The following ZNF804A variants were observed in gnomAD, a reference collection of about 807,000 sequenced individuals.
ZNF804A encodes zinc finger protein 804A.
In ZNF804A, 2 loss-of-function variants were observed where a neutral mutation model predicts 16.5. The observed-to-expected ratio is 0.12, with a 90% CI of 0.05 to 0.38. The LOEUF is 0.38. Ranked by LOEUF, ZNF804A falls within the 10% of genes least tolerant of loss-of-function variation. The pLI is 0.99. For missense variants in ZNF804A, 1,473 were observed against 1,390.7 expected, an observed-to-expected ratio of 1.06 and a Z score of -0.94; for synonymous variants, 534 against 489.6, an observed-to-expected ratio of 1.09 and a Z score of -1.20.
At chr2:184,921,371 A>C (rs945925171) in intron 2 of ZNF804A, among the ~76,000 whole-genome samples, 1 of 152,164 alleles carries the variant, frequency 6.6e-6, no homozygotes, top group Non-Finnish European at 1.5e-5. Flanking sequence ...TCACAAAAAT[A>C]AGAGAAGTAT....
At chr2:184,912,707 C>T (rs1022615151) in intron 2 of ZNF804A, among the ~76,000 whole-genome samples, 8 of 151,972 alleles carry the variant, frequency 5.3e-5, no homozygotes, top group African/African-American at 1.2e-4. Context: ...TTACTAATGA[C>T]GTTGCACATC....
At chr2:184,727,624 C>T (rs1693435173) in intron 1 of ZNF804A, among the ~76,000 whole-genome samples, 1 of 150,918 alleles carries the variant, frequency 6.6e-6, no homozygotes, top group Non-Finnish European at 1.5e-5. Flanking sequence ...TGATAATATC[C>T]CAGAGAAAAT....
rs762829556 is a variant in ZNF804A, at chr2:184,936,865, A to G, written c.1469A>G (p.Glu490Gly). 6.2e-7 allele frequency: 1 copy of G among 1,613,366 alleles called. No individual in the cohort carries two copies. Among genetic ancestry groups the G allele is most frequent in the East Asian group, 2.2e-5 (1 of 44,858 alleles). ...LKDLCSQQKQ[E>G]DICMGPLSDY... ...GATCTTTGTTCTCAGCAGAAGCAGG[A>G]AGACATTTGCATGGGACCACTTTCA... The change falls in exon 4 of 4, where the codon GAA becomes GGA. Residue 490 changes from glutamate (E) to glycine (G), a missense_variant. Physicochemically the swap from Glu to Gly is moderately conservative, Grantham distance 98. Transcript: ENST00000302277.
At chr2:184,886,238 T>C (rs1355719454) in intron 2 of ZNF804A, among the ~76,000 whole-genome samples, 5 of 152,160 alleles carry the variant, frequency 3.3e-5, no homozygotes. Context: ...AGCTCCAAAA[T>C]GATCTCCTTT....
intron 1 of ZNF804A, among the ~76,000 whole-genome samples, chr2:184,783,276 T>A (rs1420024901): frequency 6.6e-6 from 1 of 150,914 alleles, no homozygotes; most frequent in Non-Finnish European, 1.5e-5. Flanking sequence ...TTTAGAGTGA[T>A]CTACATAAAA....
intron 1 of ZNF804A, among the ~76,000 whole-genome samples, chr2:184,793,557 C>T (rs1197692272): frequency 6.6e-6 from 1 of 151,956 alleles, no homozygotes; most frequent in African/African-American, 2.4e-5. Context: ...GACTGTTGGC[C>T]ATTTGTATGT....
chr2:184,862,020 CCTT>C (rs1695808143), intron 1 of ZNF804A, among the ~76,000 whole-genome samples: 1 of 152,146 alleles, frequency 6.6e-6, no homozygotes, highest in African/African-American at 2.4e-5. Context: ...GGAAGATTGT[CCTT>C]CTTTTTCACT....
intron 1 of ZNF804A, among the ~76,000 whole-genome samples, chr2:184,650,791 GA>G (rs1691970785): frequency 6.6e-6 from 1 of 152,066 alleles, no homozygotes; most frequent in South Asian, 2.1e-4. Context: ...ACTGATGAAA[GA>G]AGTCATACAT....
chr2:184,833,203 C>T (rs1464374968), intron 1 of ZNF804A, among the ~76,000 whole-genome samples: 1 of 151,968 alleles, frequency 6.6e-6, no homozygotes, highest in Non-Finnish European at 1.5e-5. Flanking sequence ...TTGTATTGTT[C>T]CTGTCTTACC....
intron 1 of ZNF804A, among the ~76,000 whole-genome samples, chr2:184,618,515 TA>T (rs1259540153): frequency 6.6e-6 from 1 of 152,122 alleles, no homozygotes; most frequent in African/African-American, 2.4e-5. Context: ...ATTTTTCTAA[TA>T]CAGTTAGGTC....
chr2:184,745,486 C>T (rs867270932), intron 1 of ZNF804A, among the ~76,000 whole-genome samples: 27 of 151,568 alleles, frequency 1.8e-4, no homozygotes, highest in East Asian at 7.8e-4. Context: ...TTTACTGATG[C>T]GGTTTTTCAA....
intron 2 of ZNF804A, among the ~76,000 whole-genome samples, chr2:184,892,483 C>CTTTTTTTTTTTTTTTTTTTTTTT (rs869292193): frequency 9.5e-6 from 1 of 105,708 alleles, no homozygotes; most frequent in Non-Finnish European, 1.8e-5. Flanking sequence ...TTGTTGTGTT[C>CTTTTTTTTTTTTTTTTTTTTTTT]TTTTTTTTTT....
In ZNF804A at chr2:184,754,470, A is replaced by G. The variant is rs187121477; in HGVS notation, c.112-111899A>G. Among the ~76,000 whole-genome samples the G allele has an allele frequency of 2.0e-3, 306 of 152,028 alleles. 1 individual carries two copies. The highest frequency in any genetic ancestry group is 7.1e-3 in the African/African-American group (294 of 41,524). ...CCTCATGCTCCTTGTCACTGTTCAC[A>G]TATGTGCTATTCATGAGCACATATT... On this transcript the variant is annotated intron_variant, in intron 1 of 3. Transcript: ENST00000302277.
chr2:184,897,338 A>C (rs1685084821), intron 2 of ZNF804A, among the ~76,000 whole-genome samples: 1 of 152,156 alleles, frequency 6.6e-6, no homozygotes, highest in South Asian at 2.1e-4. Context: ...CTTTCCATAC[A>C]GCAATTTTTT....
intron 1 of ZNF804A, among the ~76,000 whole-genome samples, chr2:184,683,525 T>C (rs1053872096): frequency 2.7e-4 from 41 of 152,194 alleles, no homozygotes; most frequent in Non-Finnish European, 5.3e-4. Flanking sequence ...TTTATTTCCC[T>C]GCATCACTGC....
chr2:184,683,757 T>G (rs1692579015), intron 1 of ZNF804A, among the ~76,000 whole-genome samples: 1 of 152,314 alleles, frequency 6.6e-6, no homozygotes, highest in East Asian at 1.9e-4. Flanking sequence ...AAAAGTATTT[T>G]AATAATAATA....
At position 184,936,249 on chromosome 2, in the gene ZNF804A, T is replaced by C. The variant is rs1559008386; in HGVS notation, c.853T>C (p.Cys285Arg). 1 of 1,614,036 alleles carries C rather than the reference T, an allele frequency of 6.2e-7. No individual in the cohort carries two copies. Among genetic ancestry groups the C allele is most frequent in the Admixed American group, 1.7e-5 (1 of 59,980 alleles). The stretch of plus-strand genomic sequence containing the variant: ...CTCTTTTCATCCACCAGAGGCAATG[T>C]GCAGAGACAAAGAAACTGTTCAAAC... ...TNSFHPPEAM[C>R]RDKETVQTQE... The change falls in exon 4 of 4, where the codon TGC (cysteine) becomes CGC (arginine). Residue 285 changes from cysteine (C) to arginine (R), a missense_variant. By Grantham distance (180) the Cys-to-Arg change is radical (BLOSUM62 -3). Transcript: ENST00000302277.
intron 2 of ZNF804A, among the ~76,000 whole-genome samples, chr2:184,892,205 G>A (rs1272961037): frequency 3.9e-5 from 6 of 152,044 alleles, no homozygotes; most frequent in Admixed American, 1.3e-4. Flanking sequence ...ATATTAATAT[G>A]TCACATAGAA....
At chr2:184,723,131 AG>A (rs1693346623) in intron 1 of ZNF804A, among the ~76,000 whole-genome samples, 1 of 151,910 alleles carries the variant, frequency 6.6e-6, no homozygotes, top group East Asian at 1.9e-4. Flanking sequence ...TTACCACAGA[AG>A]GTAAAATAGA....
Sources: allele counts gnomAD v4.1 joint callset (sites outside exome capture counted in the v4.1 genomes callset), GRCh38; gene constraint gnomAD v4.1.1; transcripts MANE v1.5; gene names NCBI Gene and HGNC (gene_info 2026-07-23, HGNC 2026-07-21).